LRIG1: variants seen among roughly 807,000 people sequenced by gnomAD.
LRIG1 encodes the protein leucine-rich repeats and immunoglobulin-like domains protein 1.
A neutral mutation model predicts 99.2 loss-of-function variants in LRIG1; 48 were observed. The ratio of observed to expected loss-of-function variants is 0.48; its 90% confidence interval spans 0.38 to 0.62. LRIG1 has a LOEUF of 0.62. Among genes scored for constraint, LRIG1 ranks in the 20% least tolerant of loss-of-function variants. The pLI, the probability that LRIG1 is intolerant of heterozygous loss-of-function variation, is 0.00. For missense variants in LRIG1, 1,646 were observed against 1,434.4 expected (o/e 1.15, Z -2.38); for synonymous variants, 772 against 596.1 (o/e 1.29, Z -4.30).
intron 9 of LRIG1, among the ~76,000 whole-genome samples, chr3:66,403,654 T>C (rs1443567626): frequency 6.6e-6 from 1 of 152,158 alleles, no homozygotes; most frequent in Non-Finnish European, 1.5e-5. Context: ...GGCGGACTCA[T>C]GCAGCACTGG....
intron 12 of LRIG1, among the ~76,000 whole-genome samples, chr3:66,389,199 G>A (rs1027186841): frequency 4.0e-5 from 6 of 151,756 alleles, no homozygotes; most frequent in African/African-American, 1.5e-4. Context: ...AATTCCTATG[G>A]GCAAAACTAA....
intron 7 of LRIG1, chr3:66,409,895 C>T: frequency 2.2e-6 from 1 of 452,596 alleles, no homozygotes; most frequent in Non-Finnish European, 3.9e-6. Flanking sequence ...AGCTGCTACT[C>T]CTGGAGCCCC....
chr3:66,380,379 G>T lies in LRIG1; in HGVS notation c.3166C>A (p.Leu1056Ile). 3 of 1,614,216 alleles carry T rather than the reference G, an allele frequency of 1.9e-6. No individual in the cohort carries two copies. Among genetic ancestry groups the T allele is most frequent in the African/African-American group, 2.7e-5 (2 of 75,064 alleles). ...SPERAEAQYLLVSNGHLPKAC... is the reference protein window; with the variant it reads ...SPERAEAQYLIVSNGHLPKAC... The stretch of plus-strand genomic sequence containing the variant: ...TTGGGGAGGTGGCCATTGGAAACAA[G>T]CAAGTACTGGGCTTCCGCGCGCTCT... Residue 1056 changes from leucine (L) to isoleucine (I), a missense_variant, in exon 19 of 19, where the codon CTT becomes ATT. Coordinates refer to ENST00000273261, the MANE Select transcript of LRIG1 (RefSeq NM_015541.3).
In LRIG1 at chr3:66,397,070, C is replaced by T. The variant is rs572482171; in HGVS notation, c.1304+1042G>A. On this transcript the variant is annotated intron_variant, in intron 11 of 18. Transcript: ENST00000273261. ...TGCAGAGCCCTGAGCTCCATGAACC[C>T]GTCACAGACACCCGCTCCAAGATCC... is the stretch of plus-strand genomic sequence containing the variant. Among the ~76,000 whole-genome samples, 87 of 152,356 alleles carry T rather than the reference C, an allele frequency of 5.7e-4. 2 individuals are homozygous for T. Among genetic ancestry groups the T allele is most frequent in the Middle Eastern group, 3.4e-3 (1 of 294 alleles).
intron 12 of LRIG1, among the ~76,000 whole-genome samples, chr3:66,391,220 A>G (rs887763113): frequency 6.6e-6 from 1 of 152,228 alleles, no homozygotes; most frequent in African/African-American, 2.4e-5. Context: ...ATGGGCATGT[A>G]AAATCATGAA....
Position 66,394,154 on chromosome 3 carries a change from G to A in LRIG1, c.1354C>T (p.Pro452Ser). The A allele has an allele frequency of 1.2e-6, 2 of 1,609,964 alleles. No individual in the cohort carries two copies. The highest frequency in any genetic ancestry group is 1.7e-6 in the Non-Finnish European group (2 of 1,178,482). Residue 452 changes from proline (P) to serine (S), a missense_variant, in exon 12 of 19, where the codon CCC becomes TCC. Physicochemically the swap from Pro to Ser is moderately conservative, Grantham distance 74. Coordinates refer to ENST00000273261, the MANE Select transcript of LRIG1 (RefSeq NM_015541.3). ...AGCATCCTGCCAATTAGCCACGGGG[G>A]CAGCCACTTCAGCTGGCAGTCACAC... The part of the protein sequence containing the change: ...FLCDCQLKWL[P>S]PWLIGRMLQA...
intron 6 of LRIG1, 142 bp from the exon 7 acceptor site, chr3:66,410,414 C>A: frequency 5.4e-6 from 4 of 747,168 alleles, no homozygotes; most frequent in Non-Finnish European, 8.6e-6. Context: ...GGAGTCTAGT[C>A]GCACACATGT....
At chr3:66,487,259 T>G (rs749106419) in intron 1 of LRIG1, among the ~76,000 whole-genome samples, 1 of 152,152 alleles carries the variant, frequency 6.6e-6, no homozygotes, top group Non-Finnish European at 1.5e-5. Context: ...CAACAGCAAT[T>G]GAAGAAAGCC....
chr3:66,466,836 G>A lies in LRIG1; in HGVS notation c.219-4327C>T, dbSNP rs976247412. 1.2e-4 allele frequency among the ~76,000 whole-genome samples: 18 copies of A among 152,164 alleles called. No individual in the cohort carries two copies. The East Asian group carries it at 3.3e-3, about 28-fold the overall frequency. ...GTCAGTAGGAAAGATGCTGTCAAAA[G>A]CATTTCTGCACCTTTCAGTAGCAAA... On this transcript the variant is annotated intron_variant, in intron 1 of 18. Transcript: ENST00000273261.
At position 66,464,175 on chromosome 3, in the gene LRIG1, G is replaced by A. The variant is rs1179468556; in HGVS notation, c.219-1666C>T. Among the ~76,000 whole-genome samples, 8 of 152,198 alleles carry A rather than the reference G, an allele frequency of 5.3e-5. No individual in the cohort carries two copies. The East Asian group carries it at 1.5e-3, about 29-fold the overall frequency. ...GCAGATTATCATAAAAAGGGGGATG[G>A]AAATATTGTTTCTGGGTGTAAAGAT... On this transcript the variant is annotated intron_variant, in intron 1 of 18. Transcript: ENST00000273261.
intron 1 of LRIG1, among the ~76,000 whole-genome samples, chr3:66,474,609 G>A (rs980861831): frequency 6.6e-6 from 1 of 152,088 alleles, no homozygotes; most frequent in African/African-American, 2.4e-5. Context: ...GCCTCCCAAA[G>A]TGCTGGGATT....
chr3:66,439,705 C>T (rs1293337994), intron 3 of LRIG1, among the ~76,000 whole-genome samples: 1 of 151,982 alleles, frequency 6.6e-6, no homozygotes, highest in African/African-American at 2.4e-5. Flanking sequence ...ACATTTCTGA[C>T]ATATAGGTAG....
chr3:66,387,422 G>C (rs895666546), intron 12 of LRIG1: 1 of 152,024 alleles, frequency 6.6e-6, no homozygotes, highest in African/African-American at 2.4e-5. Context: ...CGTCGGTAAA[G>C]GATAGGAGAC....
chr3:66,407,633 A>ACC lies in LRIG1; in HGVS notation c.936-144_936-143dup, dbSNP rs1008999961. ...CGCACGCGCGTGCGTGCACACACACACCCACACCCACAGAATCCTGGGGGT... is the reference window on the plus strand; with the variant it reads ...CGCACGCGCGTGCGTGCACACACACACCCCCACACCCACAGAATCCTGGGGGT... On this transcript the variant is annotated intron_variant, in intron 7 of 18. Transcript: ENST00000273261. 69 of 777,054 alleles carry ACC rather than the reference A, an allele frequency of 8.9e-5. No homozygotes were observed. The Middle Eastern group carries it at 2.3e-3, about 26-fold the overall frequency. The allele number at this position is 777,054 out of a possible 1,614,324, so 48.1% of individuals were successfully genotyped here.
At chr3:66,481,659 T>C (rs1402907042) in intron 1 of LRIG1, among the ~76,000 whole-genome samples, 1 of 152,238 alleles carries the variant, frequency 6.6e-6, no homozygotes, top group African/African-American at 2.4e-5. Context: ...CTGGCATTTC[T>C]TTCCCTTAAT....
intron 7 of LRIG1, among the ~76,000 whole-genome samples, chr3:66,408,269 G>A (rs984096209): frequency 6.6e-6 from 1 of 152,194 alleles, no homozygotes; most frequent in Non-Finnish European, 1.5e-5. Flanking sequence ...GCTAGGAGCA[G>A]CATTCTTTCC....
chr3:66,386,539 A>C, intron 12 of LRIG1: 1 of 485,898 alleles, frequency 2.1e-6, no homozygotes, highest in Non-Finnish European at 3.7e-6. Flanking sequence ...CTTGATTAGA[A>C]ATTAACCCAC....
At chr3:66,499,392 T>C (rs1199632075) in intron 1 of LRIG1, among the ~76,000 whole-genome samples, 2 of 152,150 alleles carry the variant, frequency 1.3e-5, no homozygotes, top group Admixed American at 1.3e-4. Context: ...TTGCACCATT[T>C]ATGGAGGAGA....
intron 11 of LRIG1, among the ~76,000 whole-genome samples, chr3:66,395,451 A>G (rs1701808267): frequency 6.6e-6 from 1 of 151,704 alleles, no homozygotes; most frequent in African/African-American, 2.4e-5. Context: ...AGTAAAATCC[A>G]CTCTTCCTCA....
Sources: allele counts gnomAD v4.1 joint callset (sites outside exome capture counted in the v4.1 genomes callset), GRCh38; gene constraint gnomAD v4.1.1; transcripts MANE v1.5; gene names NCBI Gene and HGNC (gene_info 2026-07-23, HGNC 2026-07-21).